DPY19L1: variants seen among roughly 807,000 people sequenced by gnomAD.
The protein encoded by DPY19L1 is dpy-19 like C-mannosyltransferase 1.
In DPY19L1, 35 loss-of-function variants were observed where a neutral mutation model predicts 96.9. The ratio of observed to expected loss-of-function variants is 0.36; its 90% confidence interval spans 0.28 to 0.48. The LOEUF (loss-of-function observed/expected upper bound fraction) is 0.48, where lower values mean the gene tolerates loss of function less well. Ranked by LOEUF, DPY19L1 falls within the 20% of genes least tolerant of loss-of-function variation. The probability of loss-of-function intolerance (pLI) is 0.99; values close to 1 mark genes in which losing one functional copy is unlikely to be tolerated. For synonymous variants in DPY19L1, 205 were observed against 252.6 expected (o/e 0.81, Z 1.79); for missense variants, 521 against 777.9 (o/e 0.67, Z 3.93).
intron 1 of DPY19L1, among the ~76,000 whole-genome samples, chr7:35,021,035 T>C (rs762921088): frequency 6.6e-6 from 1 of 152,210 alleles, no homozygotes; most frequent in Non-Finnish European, 1.5e-5. Context: ...AACAGTATTA[T>C]TTACATATAA....
At chr7:35,036,724 T>C (rs1197653462) in intron 1 of DPY19L1, among the ~76,000 whole-genome samples, 1 of 152,120 alleles carries the variant, frequency 6.6e-6, no homozygotes, top group African/African-American at 2.4e-5. Flanking sequence ...CAAACCATCC[T>C]GGCGGTCAGA....
chr7:34,962,914 GC>G (rs1784530325), intron 10 of DPY19L1, among the ~76,000 whole-genome samples: 1 of 152,084 alleles, frequency 6.6e-6, no homozygotes, highest in Non-Finnish European at 1.5e-5. Flanking sequence ...TATAAACCTG[GC>G]TGGGTGCAGT....
intron 2 of DPY19L1, among the ~76,000 whole-genome samples, chr7:35,018,359 T>C (rs1012090247): frequency 2.0e-5 from 3 of 152,182 alleles, no homozygotes; most frequent in Admixed American, 2.0e-4. Context: ...GTCTCAAATA[T>C]AGCCTCTTTA....
At chr7:35,037,050 G>A (rs1786430383) in intron 1 of DPY19L1, 47 bp downstream of exon 1, 1 of 216,282 alleles carries the variant, frequency 4.6e-6, no homozygotes, top group Non-Finnish European at 9.2e-6. Context: ...GGGGGCCAGC[G>A]CCTCAAAGTT....
chr7:35,030,251 A>G (rs1786228459), intron 1 of DPY19L1, among the ~76,000 whole-genome samples: 1 of 152,258 alleles, frequency 6.6e-6, no homozygotes, highest in South Asian at 2.1e-4. Context: ...GTATTTGCCC[A>G]AAGGGCAGAG....
chr7:35,036,611 G>A (rs1786406970), intron 1 of DPY19L1, among the ~76,000 whole-genome samples: 1 of 151,996 alleles, frequency 6.6e-6, no homozygotes, highest in African/African-American at 2.4e-5. Flanking sequence ...TTGCGGCCAG[G>A]AAGAAAAAAG....
rs1359374573 is a variant in DPY19L1 at position 35,034,924 on chromosome 7, A to G, written c.298+2173T>C. On this transcript the variant is annotated intron_variant, in intron 1 of 21. Transcript: ENST00000638088. ...TATAATGTCAGCTCAACTCTCACTCATTCTGGGAGGGGGGAAGAAAACAGG... is the reference window on the plus strand; with the variant it reads ...TATAATGTCAGCTCAACTCTCACTCGTTCTGGGAGGGGGGAAGAAAACAGG... Among the ~76,000 whole-genome samples, 5 of 152,334 alleles carry G rather than the reference A, an allele frequency of 3.3e-5. No homozygotes were observed. The East Asian group carries it at 9.7e-4, about 29-fold the overall frequency.
intron 15 of DPY19L1, among the ~76,000 whole-genome samples, chr7:34,945,951 G>A (rs1784136473): frequency 6.6e-6 from 1 of 152,296 alleles, no homozygotes; most frequent in Admixed American, 6.5e-5. Flanking sequence ...ATGAGCAACA[G>A]GTTCATATGG....
chr7:34,956,929 T>C (rs1383748185), intron 11 of DPY19L1, among the ~76,000 whole-genome samples: 1 of 152,222 alleles, frequency 6.6e-6, no homozygotes, highest in Non-Finnish European at 1.5e-5. Context: ...AGAAGTCGAA[T>C]ATATTCCAAT....
At chr7:34,934,634 G>A (rs1783827924) in intron 21 of DPY19L1, among the ~76,000 whole-genome samples, 1 of 152,146 alleles carries the variant, frequency 6.6e-6, no homozygotes. Context: ...CTGGAGGGTG[G>A]GGGCGATGGT....
At chr7:34,952,657 C>A (rs1393513915) in intron 13 of DPY19L1, among the ~76,000 whole-genome samples, 2 of 152,044 alleles carry the variant, frequency 1.3e-5, no homozygotes, top group Non-Finnish European at 2.9e-5. Flanking sequence ...CCAAATCCAA[C>A]AATATAGAAA....
intron 1 of DPY19L1, among the ~76,000 whole-genome samples, chr7:35,023,565 T>C (rs1284064189): frequency 6.6e-6 from 1 of 152,222 alleles, no homozygotes; most frequent in Non-Finnish European, 1.5e-5. Context: ...TTAAAATTCA[T>C]AAAGCACCTT....
At chr7:35,035,522 C>T (rs1261954679) in intron 1 of DPY19L1, among the ~76,000 whole-genome samples, 1 of 152,204 alleles carries the variant, frequency 6.6e-6, no homozygotes, top group Non-Finnish European at 1.5e-5. Context: ...TATTTTACTA[C>T]AAAGTGGTTA....
chr7:34,940,942 C>G (rs1221694295), intron 18 of DPY19L1: 1 of 153,204 alleles, frequency 6.5e-6, no homozygotes, highest in African/African-American at 2.4e-5. Flanking sequence ...TAGTGCCTTT[C>G]TAACATAATA....
rs147816581 is a variant in DPY19L1 at position 35,019,483 on chromosome 7, A to T, written c.299-887T>A. On this transcript the variant is annotated intron_variant, in intron 1 of 21. Transcript: ENST00000638088. ...AAAACAAAAGAAAGAGAAAAAGAAG[A>T]AGTAGGAGGAAGAAGAAGGAAAAAG... Among the ~76,000 whole-genome samples, 731 of 152,132 alleles carry T rather than the reference A, an allele frequency of 4.8e-3. 9 individuals are homozygous for T. Among genetic ancestry groups the T allele is most frequent in the Non-Finnish European group, 4.2e-3 (288 of 67,994 alleles).
intron 3 of DPY19L1, among the ~76,000 whole-genome samples, chr7:35,017,419 C>G (rs1298243603): frequency 6.9e-6 from 1 of 145,712 alleles, no homozygotes; most frequent in African/African-American, 2.6e-5. Flanking sequence ...GGCGTGAACC[C>G]GGGAAGCGGA....
chr7:34,932,593 C>CCAG (rs1783777291), intron 21 of DPY19L1, among the ~76,000 whole-genome samples: 1 of 152,154 alleles, frequency 6.6e-6, no homozygotes, highest in Non-Finnish European at 1.5e-5. Context: ...TAGAATGAAT[C>CCAG]AATTTAAAGA....
chr7:35,031,386 G>C (rs186209236), intron 1 of DPY19L1, among the ~76,000 whole-genome samples: 1 of 152,286 alleles, frequency 6.6e-6, no homozygotes, highest in African/African-American at 2.4e-5. Context: ...CTAATACTAT[G>C]CCATTTTATA....
At position 35,011,447 on chromosome 7, in the gene DPY19L1, T is replaced by C. The variant is rs532335145; in HGVS notation, c.553A>G (p.Ile185Val). The C allele has an allele frequency of 1.3e-6, 2 of 1,596,636 alleles. No individual in the cohort carries two copies. The highest frequency in any genetic ancestry group is 1.7e-6 in the Non-Finnish European group (2 of 1,175,390). The change falls in exon 5 of 22, where the codon ATT becomes GTT. Residue 185 changes from isoleucine to valine, a missense_variant. Coordinates refer to ENST00000638088, the MANE Select transcript of DPY19L1 (RefSeq NM_001366673.1). ...TAAATCCGGTACCAACTGGCCAAAA[T>C]TACCTATTTTAAAAAATACAGAGGC... ...LKRFNLYPEVILASWYRIYTK... is the reference protein window; with the variant it reads ...LKRFNLYPEVVLASWYRIYTK...
Sources: gnomAD v4.1 joint callset for allele counts (sites outside exome capture counted in the v4.1 genomes callset) on GRCh38, gnomAD v4.1.1 for gene constraint, MANE v1.5 for transcripts, NCBI Gene and HGNC (gene_info 2026-07-23, HGNC 2026-07-21) for gene names.